TMEM120B: variants seen among roughly 807,000 people sequenced by gnomAD.
The protein encoded by TMEM120B is transmembrane protein 120B.
In TMEM120B, 31 loss-of-function variants were observed where a neutral mutation model predicts 55.5. The ratio of observed to expected loss-of-function variants is 0.56; its 90% CI spans 0.42 to 0.75. The LOEUF is 0.75. Among genes scored for constraint, TMEM120B ranks in the 30% least tolerant of loss-of-function variants. TMEM120B has a pLI of 0.00. For synonymous variants in TMEM120B, 203 were observed against 176.3 expected, an observed-to-expected ratio of 1.15 and a Z score of -1.20; for missense variants, 399 against 425.5, an observed-to-expected ratio of 0.94 and a Z score of 0.55.
At chr12:121,743,598 C>T (rs1044578784) in intron 1 of TMEM120B, 31 bp from the exon 2 acceptor site, 1 of 1,553,274 alleles carries the variant, frequency 6.4e-7, no homozygotes, top group Non-Finnish European at 8.9e-7. Context: ...TATTCTCCCA[C>T]ACACCCTCCC....
chr12:121,769,982 G>A (rs1873983751), intron 6 of TMEM120B, among the ~76,000 whole-genome samples: 1 of 152,122 alleles, frequency 6.6e-6, no homozygotes, highest in African/African-American at 2.4e-5. Context: ...GCGGTCAGGA[G>A]GCCTTTGTGA....
At chr12:121,748,606 C>T (rs1331249287) in intron 3 of TMEM120B, among the ~76,000 whole-genome samples, 164 bp downstream of exon 3, 1 of 152,058 alleles carries the variant, frequency 6.6e-6, no homozygotes, top group African/African-American at 2.4e-5. Context: ...CCTCCATGAG[C>T]CCAGGAGGGG....
chr12:121,770,298 C>T (rs961113562), intron 6 of TMEM120B, among the ~76,000 whole-genome samples: 5 of 152,054 alleles, frequency 3.3e-5, no homozygotes, highest in Non-Finnish European at 7.4e-5. Flanking sequence ...GGTGTCTCTC[C>T]CCTTCTTGCA....
At chr12:121,727,757 C>T (rs1465099800) in intron 1 of TMEM120B, among the ~76,000 whole-genome samples, 1 of 150,838 alleles carries the variant, frequency 6.6e-6, no homozygotes, top group African/African-American at 2.4e-5. Flanking sequence ...GCCAGTAGTC[C>T]CAGCTACTCG....
At chr12:121,727,282 T>C (rs546865341) in intron 1 of TMEM120B, among the ~76,000 whole-genome samples, 4 of 152,034 alleles carry the variant, frequency 2.6e-5, no homozygotes, top group South Asian at 4.2e-4. Context: ...ATGCCTGTCA[T>C]CCCAGCACTT....
At chr12:121,774,328 C>A (rs1447981264) in intron 9 of TMEM120B, among the ~76,000 whole-genome samples, 1 of 152,094 alleles carries the variant, frequency 6.6e-6, no homozygotes, top group Non-Finnish European at 1.5e-5. Flanking sequence ...TCTCAAGACT[C>A]GATAGAACTA....
At chr12:121,720,786 A>C (rs1894777076) in intron 1 of TMEM120B, among the ~76,000 whole-genome samples, 2 of 152,166 alleles carry the variant, frequency 1.3e-5, no homozygotes, top group African/African-American at 4.8e-5. Flanking sequence ...CACCACACTT[A>C]AGTGGCGGTA....
Position 121,769,715 on chromosome 12 carries a change from C to CGTGTGTGTGTGTGTGTGT in TMEM120B, c.552-1187_552-1170dup, listed in dbSNP as rs63639861. On this transcript the variant is annotated intron_variant, in intron 6 of 11. Coordinates refer to ENST00000449592, the MANE Select transcript of TMEM120B (RefSeq NM_001080825.2). ...GAGACCCTGCCTGGAAAAGAGAAAA[C>CGTGTGTGTGTGTGTGTGT]GTGTGTGTGTGTGTGTGTGTGTACA... Among the ~76,000 whole-genome samples, 7 of 148,318 alleles carry CGTGTGTGTGTGTGTGTGT rather than the reference C, an allele frequency of 4.7e-5. 1 individual carries two copies. The highest frequency in any genetic ancestry group is 1.5e-4 in the African/African-American group (6 of 40,186).
chr12:121,741,692 G>T (rs1486490114), intron 1 of TMEM120B, among the ~76,000 whole-genome samples: 1 of 152,032 alleles, frequency 6.6e-6, no homozygotes, highest in Non-Finnish European at 1.5e-5. Flanking sequence ...GAGTGCAGTG[G>T]CATAATCTCA....
chr12:121,753,896 G>C (rs755313329), intron 5 of TMEM120B, among the ~76,000 whole-genome samples: 1 of 152,072 alleles, frequency 6.6e-6, no homozygotes, highest in Non-Finnish European at 1.5e-5. Context: ...TGGCTGGCAC[G>C]TGGAGGCGCT....
chr12:121,714,734 G>T (rs1193617825), intron 1 of TMEM120B, among the ~76,000 whole-genome samples: 2 of 150,688 alleles, frequency 1.3e-5, no homozygotes, highest in Non-Finnish European at 3.0e-5. Context: ...GCTAATTTTT[G>T]TATTTTTAGT....
At position 121,779,509 on chromosome 12, in the gene TMEM120B, G is replaced by C; in HGVS notation, c.*3787G>C. 6.2e-7 allele frequency: 1 copy of C among 1,612,188 alleles called. No individual in the cohort carries two copies. Among genetic ancestry groups the C allele is most frequent in the Non-Finnish European group, 8.5e-7 (1 of 1,180,018 alleles). On this transcript the variant is annotated 3_prime_UTR_variant, in exon 12 of 12. Coordinates refer to ENST00000449592, the MANE Select transcript of TMEM120B (RefSeq NM_001080825.2). ...CTGTCTGCCCTGGGTCAGAGCAGCA[G>C]GCAGAGCCGGCGCTTCTTCTGCCGT...
intron 5 of TMEM120B, among the ~76,000 whole-genome samples, chr12:121,757,519 TA>T (rs1336648230): frequency 2.4e-5 from 3 of 127,648 alleles, no homozygotes; most frequent in Admixed American, 8.4e-5. Context: ...TTATTATTAT[TA>T]TTTATTTTTT....
intron 5 of TMEM120B, among the ~76,000 whole-genome samples, chr12:121,760,684 A>G (rs1044085643): frequency 6.6e-6 from 1 of 152,060 alleles, no homozygotes; most frequent in Non-Finnish European, 1.5e-5. Flanking sequence ...TGTTTTTCCT[A>G]TCTATAGGGA....
chr12:121,776,512 G>A lies in TMEM120B; in HGVS notation c.*790G>A, dbSNP rs1874254124. 1 of 152,256 alleles carries A rather than the reference G, an allele frequency of 6.6e-6. No homozygotes were observed. The highest frequency in any genetic ancestry group is 2.4e-5 in the African/African-American group (1 of 41,458). The allele number at this position is 152,256 out of a possible 1,614,324, so 9.4% of individuals were successfully genotyped here. ...GGAACCACCTCCCCCCTCCTTCCCA[G>A]AGCTTCTGGATGTTGTGGGAGGGAG... On this transcript the variant is annotated 3_prime_UTR_variant, in exon 12 of 12. Coordinates refer to ENST00000449592, the MANE Select transcript of TMEM120B (RefSeq NM_001080825.2).
At chr12:121,736,753 A>G (rs998534140) in intron 1 of TMEM120B, among the ~76,000 whole-genome samples, 1 of 149,428 alleles carries the variant, frequency 6.7e-6, no homozygotes, top group Admixed American at 6.7e-5. Flanking sequence ...CCATGTTGGC[A>G]AGGCTGGTCT....
chr12:121,758,187 G>A (rs953442068), intron 5 of TMEM120B: 126 of 985,342 alleles, frequency 1.3e-4, no homozygotes, highest in Non-Finnish European at 1.5e-4. Context: ...TCAGAGGGGC[G>A]TCTGTCACTG....
At chr12:121,749,769 G>C (rs1873214980) in intron 3 of TMEM120B, among the ~76,000 whole-genome samples, 1 of 151,936 alleles carries the variant, frequency 6.6e-6, no homozygotes, top group South Asian at 2.1e-4. Flanking sequence ...TAGCTGGCCT[G>C]GTGGCACGTG....
In TMEM120B at chr12:121,775,648, G is replaced by C. The variant is rs1213764824; in HGVS notation, c.946G>C (p.Gly316Arg). ...GTTCACCTTCCTCATCCTCTTCCTCGGCAACTTCCTGACCACGCTCAAAGT... is the reference window on the plus strand; with the variant it reads ...GTTCACCTTCCTCATCCTCTTCCTCCGCAACTTCCTGACCACGCTCAAAGT... ...LAFTFLILFL[G>R]NFLTTLKVVH... The change falls in exon 12 of 12, where the codon GGC becomes CGC. Residue 316 changes from glycine (G) to arginine (R), a missense_variant. Gly to Arg is a moderately radical substitution (Grantham distance 125). Transcript: ENST00000449592. This position sits in a 1 kb window ranked among gnomAD's most constrained non-coding sequence, Gnocchi z 4.3. The C allele has an allele frequency of 6.2e-7, 1 of 1,613,844 alleles. No individual in the cohort carries two copies. Among genetic ancestry groups the C allele is most frequent in the East Asian group, 2.2e-5 (1 of 44,898 alleles).
Sources: gnomAD v4.1 joint callset for allele counts (sites outside exome capture counted in the v4.1 genomes callset) on GRCh38, gnomAD v4.1.1 for gene constraint, Gnocchi (gnomAD v3.1) non-coding constraint, MANE v1.5 for transcripts, NCBI Gene and HGNC (gene_info 2026-07-23, HGNC 2026-07-21) for gene names.